GSPT2: variants seen among roughly 807,000 people sequenced by gnomAD.
GSPT2 encodes the protein eukaryotic peptide chain release factor GTP-binding subunit ERF3B.
GSPT2 carries 2 observed loss-of-function variants against 24.6 expected under a neutral mutation model. The ratio of observed to expected loss-of-function variants is 0.08; its 90% CI spans 0.03 to 0.26. GSPT2 has a LOEUF of 0.26. GSPT2 is among the 10% of genes least tolerant of loss of function. The pLI is 1.00. For synonymous variants in GSPT2, 194 were observed against 189.3 expected, an observed-to-expected ratio of 1.02 and a Z score of -0.20; for missense variants, 322 against 489.6, an observed-to-expected ratio of 0.66 and a Z score of 3.23.
rs1167297309 is a variant in GSPT2 at position 51,743,592 on chromosome X, C to T, written c.-35C>T. 1.8e-6 allele frequency: 2 copies of T among 1,142,135 alleles called. No homozygotes were observed. Among genetic ancestry groups the T allele is most frequent in the South Asian group, 2.0e-5 (1 of 48,845 alleles). 94.1% of individuals were successfully genotyped at this position (1,142,135 alleles called of 1,213,427 possible). On this transcript the variant is annotated 5_prime_UTR_variant, in exon 1 of 1. Transcript: ENST00000340438. ...GCCCGCTCTTCTGGCCTGTTGAGCC[C>T]GCTCCCTCACTGCCACACAGCAAGT...
rs782633997 is a variant in GSPT2 at position 51,744,922 on chromosome X, A to G, written c.1296A>G (p.Arg432=). The G allele has an allele frequency of 1.0e-5, 12 of 1,202,998 alleles. No homozygotes were observed. In the Admixed American group the frequency reaches 2.4e-4, roughly 24 times the overall value. ...NFNRSIDGPI[R]LPIVDKYKDM... ...ACAGATCAATTGATGGACCAATAAG[A>G]CTGCCAATTGTGGATAAGTACAAAG... Residue 432 remains arginine (R), a synonymous_variant, in exon 1 of 1, where the codon AGA becomes AGG. Coordinates refer to ENST00000340438, the MANE Select transcript of GSPT2 (RefSeq NM_018094.5).
Position 51,744,928 on chromosome X carries a change from A to G in GSPT2, c.1302A>G (p.Pro434=), listed in dbSNP as rs938176582. 2 of 1,204,411 alleles carry G rather than the reference A, an allele frequency of 1.7e-6. No individual in the cohort carries two copies. The highest frequency in any genetic ancestry group is 2.2e-5 in the Admixed American group (1 of 45,694). Residue 434 remains proline, a synonymous_variant, in exon 1 of 1, where the codon CCA becomes CCG. Transcript: ENST00000340438. ...CAATTGATGGACCAATAAGACTGCCAATTGTGGATAAGTACAAAGATATGG... is the reference window on the plus strand; with the variant it reads ...CAATTGATGGACCAATAAGACTGCCGATTGTGGATAAGTACAAAGATATGG... ...NRSIDGPIRL[P]IVDKYKDMGT... is the part of the protein sequence containing the mutation.
rs782761816 is a variant in GSPT2, at chrX:51,743,856, C to T, written c.230C>T (p.Thr77Ile). Residue 77 changes from threonine to isoleucine, a missense_variant, in exon 1 of 1, where the codon ACT becomes ATT. Around this residue, in one of 4 missense-constraint regions of GSPT2, gnomAD observed 125 missense variants for 121.3 expected, o/e 1.03. Transcript: ENST00000340438. Reference sequence around the variant, plus strand: ...GTGCCGTCCTTCCTGCGGGGCCCGACTCAGCCGCCCACCCTCCCGGCCGGC... The same window carrying T: ...GTGCCGTCCTTCCTGCGGGGCCCGATTCAGCCGCCCACCCTCCCGGCCGGC... The part of the protein sequence containing the change: ...EFVPSFLRGP[T>I]QPPTLPAGSG... 1.7e-6 allele frequency: 2 copies of T among 1,207,679 alleles called. No individual in the cohort carries two copies. Among genetic ancestry groups the T allele is most frequent in the South Asian group, 1.8e-5 (1 of 56,242 alleles).
At position 51,743,554 on chromosome X, in the gene GSPT2, C is replaced by A. The variant is rs1226969103; in HGVS notation, c.-73C>A. ...TGGCCCTTCGCTCTTGCTGCCTTAA[C>A]CCCGCCGGCGGAGCCCGCTCTTCTG... On this transcript the variant is annotated 5_prime_UTR_variant, in exon 1 of 1. Coordinates refer to ENST00000340438, the MANE Select transcript of GSPT2 (RefSeq NM_018094.5). 1 of 981,335 alleles carries A rather than the reference C, an allele frequency of 1.0e-6. No individual in the cohort carries two copies. The highest frequency in any genetic ancestry group is 1.4e-6 in the Non-Finnish European group (1 of 719,083). 80.9% of individuals were successfully genotyped at this position (981,335 alleles called of 1,213,427 possible).
Position 51,744,784 on chromosome X carries a change from C to T in GSPT2, c.1158C>T (p.His386=), listed in dbSNP as rs797044501. ...KVGFSPKKDI[H]FMPCSGLTGA... ...GCTTCAGTCCAAAAAAGGACATTCA[C>T]TTTATGCCCTGCTCAGGACTGACCG... is the stretch of plus-strand genomic sequence containing the variant. Residue 386 remains histidine (H), a synonymous_variant, in exon 1 of 1, where the codon CAC becomes CAT. Transcript: ENST00000340438. 11 of 1,207,391 alleles carry T rather than the reference C, an allele frequency of 9.1e-6. No homozygotes were observed. Among genetic ancestry groups the T allele is most frequent in the Non-Finnish European group, 1.1e-5 (10 of 892,708 alleles).
Position 51,743,749 on chromosome X carries a change from C to G in GSPT2, c.123C>G (p.Arg41=), listed in dbSNP as rs782030533. Residue 41 remains arginine (R), a synonymous_variant, in exon 1 of 1, where the codon CGC becomes CGG. Transcript: ENST00000340438. ...CCTCTGCGGTGGCCGAGGCCCAGCG[C>G]GAGCCCCTCAGCTCGGCTTTCAGCC... ...GVSSAVAEAQ[R]EPLSSAFSRK... 1 of 1,209,879 alleles carries G rather than the reference C, an allele frequency of 8.3e-7. No individual in the cohort carries two copies. Among genetic ancestry groups the G allele is most frequent in the Admixed American group, 2.2e-5 (1 of 45,954 alleles).
At position 51,744,871 on chromosome X, in the gene GSPT2, G is replaced by T; in HGVS notation, c.1245G>T (p.Pro415=). The T allele has an allele frequency of 1.7e-6, 2 of 1,209,369 alleles. No individual in the cohort carries two copies. Among genetic ancestry groups the T allele is most frequent in the African/African-American group, 1.7e-5 (1 of 57,671 alleles). The change falls in exon 1 of 1, where the codon CCG becomes CCT. Residue 415 remains proline (P), a synonymous_variant. Coordinates refer to ENST00000340438, the MANE Select transcript of GSPT2 (RefSeq NM_018094.5). ...CPWYTGLPFI[P]YLDNLPNFNR... is the part of the protein sequence containing the mutation. Reference sequence around the variant, plus strand: ...GGTACACTGGATTACCATTTATTCCGTATTTGGATAACTTGCCAAACTTCA... The same window carrying T: ...GGTACACTGGATTACCATTTATTCCTTATTTGGATAACTTGCCAAACTTCA...
chrX:51,744,905 A>G lies in GSPT2; in HGVS notation c.1279A>G (p.Ile427Val). ...TAACTTGCCAAACTTCAACAGATCA[A>G]TTGATGGACCAATAAGACTGCCAAT... ...LDNLPNFNRS[I>V]DGPIRLPIVD... The change falls in exon 1 of 1, where the codon ATT (isoleucine) becomes GTT (valine). Residue 427 changes from isoleucine to valine, a missense_variant. Around this residue, in one of 4 missense-constraint regions of GSPT2, gnomAD observed 117 missense variants for 204.1 expected, o/e 0.57. Coordinates refer to ENST00000340438, the MANE Select transcript of GSPT2 (RefSeq NM_018094.5). 8.3e-7 allele frequency: 1 copy of G among 1,206,143 alleles called. No individual in the cohort carries two copies. The highest frequency in any genetic ancestry group is 1.1e-6 in the Non-Finnish European group (1 of 890,476).
rs200903143 is a variant in GSPT2, at chrX:51,744,137, C to G, written c.511C>G (p.Pro171Ala). The change falls in exon 1 of 1, where the codon CCC becomes GCC. Residue 171 changes from proline (P) to alanine (A), a missense_variant. Around this residue, in one of 4 missense-constraint regions of GSPT2, gnomAD observed 72 missense variants for 121.5 expected, o/e 0.59. Transcript: ENST00000340438. ...GGGTGGTTCCTCGGGAGATTCAGGGCCCCCAGAAGAAAGTGGCCAGGAAAT... is the reference window on the plus strand; with the variant it reads ...GGGTGGTTCCTCGGGAGATTCAGGGGCCCCAGAAGAAAGTGGCCAGGAAAT... ...PGGGSSGDSGPPEESGQEMME... is the reference protein window; with the variant it reads ...PGGGSSGDSGAPEESGQEMME... 1.7e-6 allele frequency: 2 copies of G among 1,206,927 alleles called. No individual in the cohort carries two copies. The highest frequency in any genetic ancestry group is 3.5e-5 in the African/African-American group (2 of 56,826).
chrX:51,745,490 A>C lies in GSPT2; in HGVS notation c.1864A>C (p.Lys622Gln), dbSNP rs147905465. ...GKTIAIGKVL[K>Q]LVPEKD ...GACCATTGCAATTGGAAAAGTTCTGAAATTGGTCCCAGAGAAGGACTAAGC... is the reference window on the plus strand; with the variant it reads ...GACCATTGCAATTGGAAAAGTTCTGCAATTGGTCCCAGAGAAGGACTAAGC... Residue 622 changes from lysine (K) to glutamine (Q), a missense_variant, in exon 1 of 1, where the codon AAA (lysine) becomes CAA (glutamine). This residue lies in a region of GSPT2 where 117 missense variants were observed against 204.1 expected (regional missense o/e 0.57). Coordinates refer to ENST00000340438, the MANE Select transcript of GSPT2 (RefSeq NM_018094.5). 1.8e-5 allele frequency: 21 copies of C among 1,195,596 alleles called. No individual in the cohort carries two copies. Among genetic ancestry groups the C allele is most frequent in the Non-Finnish European group, 2.2e-5 (19 of 882,861 alleles).
In GSPT2 at chrX:51,743,536, T is replaced by C; in HGVS notation, c.-91T>C. ...GTTCGTGTCGCTACCCCTTGGCCCT[T>C]CGCTCTTGCTGCCTTAACCCCGCCG... On this transcript the variant is annotated 5_prime_UTR_variant, in exon 1 of 1. Transcript: ENST00000340438. The C allele has an allele frequency of 1.2e-6, 1 of 817,684 alleles. No homozygotes were observed. The highest frequency in any genetic ancestry group is 1.7e-6 in the Non-Finnish European group (1 of 578,922). 67.4% of individuals were successfully genotyped at this position (817,684 alleles called of 1,213,427 possible). A position where few individuals can be genotyped will look rare whatever the true frequency, so the allele number is the denominator to read the frequency against.
rs1557348897 is a variant in GSPT2 at position 51,744,469 on chromosome X, A to G, written c.843A>G (p.Lys281=). 2 of 1,211,209 alleles carry G rather than the reference A, an allele frequency of 1.7e-6. No homozygotes were observed. Among genetic ancestry groups the G allele is most frequent in the Non-Finnish European group, 2.2e-6 (2 of 895,162 alleles). Reference sequence around the variant, plus strand: ...GTGCCTATTTTGAAACAGAAAGGAAACATTTCACAATTTTAGATGCCCCTG... The same window carrying G: ...GTGCCTATTTTGAAACAGAAAGGAAGCATTTCACAATTTTAGATGCCCCTG... ...VGRAYFETER[K]HFTILDAPGH... is the part of the protein sequence containing the mutation. Residue 281 remains lysine, a synonymous_variant, in exon 1 of 1, where the codon AAA becomes AAG. Coordinates refer to ENST00000340438, the MANE Select transcript of GSPT2 (RefSeq NM_018094.5).
Position 51,743,882 on chromosome X carries a change from T to C in GSPT2, c.256T>C (p.Ser86Pro), listed in dbSNP as rs1386729065. The C allele has an allele frequency of 1.4e-5, 17 of 1,203,547 alleles. No homozygotes were observed. Among genetic ancestry groups the C allele is most frequent in the Middle Eastern group, 4.6e-4 (2 of 4,361 alleles). ...PTQPPTLPAG[S>P]GSNDETCTGA... The stretch of plus-strand genomic sequence containing the variant: ...TCAGCCGCCCACCCTCCCGGCCGGC[T>C]CCGGCAGCAACGATGAAACCTGCAC... Residue 86 changes from serine to proline, a missense_variant, in exon 1 of 1, where the codon TCC becomes CCC. Ser to Pro is a moderately conservative substitution (Grantham distance 74). Coordinates refer to ENST00000340438, the MANE Select transcript of GSPT2 (RefSeq NM_018094.5).
In GSPT2 at chrX:51,743,960, C is replaced by A. The variant is rs1923948549; in HGVS notation, c.334C>A (p.Pro112Thr). 1.7e-6 allele frequency: 2 copies of A among 1,207,031 alleles called. No individual in the cohort carries two copies. The highest frequency in any genetic ancestry group is 3.6e-5 in the South Asian group (2 of 56,095). Reference protein sequence around the residue: ...KRMGRGAPVEPSREEPLVSLE... With the variant: ...KRMGRGAPVETSREEPLVSLE... Reference sequence around the variant, plus strand: ...GATGGGACGGGGGGCACCTGTGGAACCTTCCCGAGAGGAACCGTTAGTGTC... The same window carrying A: ...GATGGGACGGGGGGCACCTGTGGAAACTTCCCGAGAGGAACCGTTAGTGTC... The change falls in exon 1 of 1, where the codon CCT (proline) becomes ACT (threonine). Residue 112 changes from proline (P) to threonine (T), a missense_variant. Coordinates refer to ENST00000340438, the MANE Select transcript of GSPT2 (RefSeq NM_018094.5).
chrX:51,745,111 G>T lies in GSPT2; in HGVS notation c.1485G>T (p.Leu495=). Residue 495 remains leucine, a synonymous_variant, in exon 1 of 1, where the codon CTG becomes CTT. Transcript: ENST00000340438. ...VAPGENLKIR[L]KGIEEEEILP... ...CAGGTGAAAACCTCAAAATCAGACT[G>T]AAGGGAATTGAAGAAGAAGAGATTC... 1.7e-6 allele frequency: 2 copies of T among 1,209,283 alleles called. No individual in the cohort carries two copies. Among genetic ancestry groups the T allele is most frequent in the Non-Finnish European group, 2.2e-6 (2 of 893,410 alleles).
At position 51,744,871 on chromosome X, in the gene GSPT2, G is replaced by A. The variant is rs202017797; in HGVS notation, c.1245G>A (p.Pro415=). ...GGTACACTGGATTACCATTTATTCC[G>A]TATTTGGATAACTTGCCAAACTTCA... The part of the protein sequence containing the change: ...CPWYTGLPFI[P]YLDNLPNFNR... The change falls in exon 1 of 1, where the codon CCG becomes CCA. Residue 415 remains proline, a synonymous_variant. Coordinates refer to ENST00000340438, the MANE Select transcript of GSPT2 (RefSeq NM_018094.5). 1.6e-5 allele frequency: 19 copies of A among 1,207,653 alleles called. No individual in the cohort carries two copies. The East Asian group carries it at 5.6e-4, about 36-fold the overall frequency.
Position 51,744,895 on chromosome X carries a change from C to A in GSPT2, c.1269C>A (p.Phe423Leu). Residue 423 changes from phenylalanine to leucine, a missense_variant, in exon 1 of 1, where the codon TTC becomes TTA. By Grantham distance (22) the Phe-to-Leu change is conservative. Around this residue, in one of 4 missense-constraint regions of GSPT2, gnomAD observed 117 missense variants for 204.1 expected, o/e 0.57. Transcript: ENST00000340438. Reference sequence around the variant, plus strand: ...CGTATTTGGATAACTTGCCAAACTTCAACAGATCAATTGATGGACCAATAA... The same window carrying A: ...CGTATTTGGATAACTTGCCAAACTTAAACAGATCAATTGATGGACCAATAA... The part of the protein sequence containing the change: ...FIPYLDNLPN[F>L]NRSIDGPIRL... 8.3e-7 allele frequency: 1 copy of A among 1,207,154 alleles called. No individual in the cohort carries two copies. Among genetic ancestry groups the A allele is most frequent in the Non-Finnish European group, 1.1e-6 (1 of 891,505 alleles).
chrX:51,744,211 C>G lies in GSPT2; in HGVS notation c.585C>G (p.Pro195=), dbSNP rs893785799. 18 of 1,208,162 alleles carry G rather than the reference C, an allele frequency of 1.5e-5. No homozygotes were observed. The East Asian group carries it at 5.3e-4, about 36-fold the overall frequency. ...EIRKSKSVIV[P]SGAPKKEHVN... ...GAAAATCCAAATCTGTGATCGTACC[C>G]TCAGGTGCACCTAAGAAAGAACACG... Residue 195 remains proline (P), a synonymous_variant, in exon 1 of 1, where the codon CCC becomes CCG. Transcript: ENST00000340438.
chrX:51,745,598 A>T lies in GSPT2; in HGVS notation c.*85A>T. Reference sequence around the variant, plus strand: ...ACCTACTCTTATTTACTGCCCATTGATTGACTTTTCTTCATATTTTGCAAA... The same window carrying T: ...ACCTACTCTTATTTACTGCCCATTGTTTGACTTTTCTTCATATTTTGCAAA... On this transcript the variant is annotated 3_prime_UTR_variant, in exon 1 of 1. Transcript: ENST00000340438. 1 of 596,578 alleles carries T rather than the reference A, an allele frequency of 1.7e-6. No individual in the cohort carries two copies. The highest frequency in any genetic ancestry group is 3.3e-5 in the East Asian group (1 of 30,127). The allele number at this position is 596,578 out of a possible 1,213,427, so 49.2% of individuals were successfully genotyped here. A position where few individuals can be genotyped will look rare whatever the true frequency, so the allele number is the denominator to read the frequency against.
Sources: gnomAD v4.1 joint callset for allele counts on GRCh38, gnomAD v4.1.1 for gene constraint, gnomAD v4.1.1 regional missense constraint, MANE v1.5 for transcripts, NCBI Gene and HGNC (gene_info 2026-07-23, HGNC 2026-07-21) for gene names.